Variants in FAT1 observed in about 807,000 individuals in gnomAD.
FAT1 encodes FAT atypical cadherin 1.
Under a neutral mutation model 329.8 loss-of-function variants are expected in FAT1, and 171 were observed. The observed-to-expected ratio is 0.52, with a 90% CI of 0.46 to 0.59. The LOEUF is 0.59. Among genes scored for constraint, FAT1 ranks in the 20% least tolerant of loss-of-function variants. The pLI is 0.00. For synonymous variants in FAT1, 2,233 were observed against 2,228.6 expected (o/e 1.00, Z -0.06); for missense variants, 5,672 against 5,774.4 (o/e 0.98, Z 0.57).
chr4:186,689,191 T>C (rs1044730277), intron 2 of FAT1, among the ~76,000 whole-genome samples: 1 of 152,374 alleles, frequency 6.6e-6, no homozygotes, highest in South Asian at 2.1e-4. Flanking sequence ...AAAATCACTC[T>C]GTAAAAATAT....
rs776041145 is a variant in FAT1, at chr4:186,620,100, C to G, written c.6486G>C (p.Pro2162=). ...VTVVAKDGGN[P]AFSAEVIVPI... ...GAACGATAACTTCCGCTGAAAAGGC[C>G]GGGTTCCCTCCATCTTTTGCAACCA... Residue 2162 remains proline (P), a synonymous_variant, in exon 10 of 27, where the codon CCG becomes CCC. Coordinates refer to ENST00000441802, the MANE Select transcript of FAT1 (RefSeq NM_005245.4). 1 of 1,613,956 alleles carries G rather than the reference C, an allele frequency of 6.2e-7. No homozygotes were observed. The highest frequency in any genetic ancestry group is 2.2e-5 in the East Asian group (1 of 44,864).
chr4:186,666,356 AT>A (rs1424122168), intron 2 of FAT1, among the ~76,000 whole-genome samples: 15 of 152,326 alleles, frequency 9.8e-5, no homozygotes, highest in African/African-American at 3.6e-4. Context: ...TAGCAAAATT[AT>A]ATCTGTCTGT....
Position 186,621,531 on chromosome 4 carries a change from G to C in FAT1, c.5055C>G (p.Phe1685Leu), listed in dbSNP as rs771020867. The stretch of plus-strand genomic sequence containing the variant: ...GACTATGGGCTGTAACCATCCCAAC[G>C]AAACTCCCAATGCTGACAGTTTCAC... ...ELSETVSIGS[F>L]VGMVTAHSQS... The change falls in exon 10 of 27, where the codon TTC becomes TTG. Residue 1685 changes from phenylalanine (F) to leucine (L), a missense_variant. Around this residue, in one of 2 missense-constraint regions of FAT1, gnomAD observed 3,966 missense variants for 3,915.2 expected, o/e 1.01. Transcript: ENST00000441802. 2.5e-6 allele frequency: 4 copies of C among 1,613,926 alleles called. No individual in the cohort carries two copies. The Admixed American group carries it at 6.7e-5, about 27-fold the overall frequency.
At chr4:186,616,632 A>G (rs1226260784) in intron 11 of FAT1, among the ~76,000 whole-genome samples, 1 of 152,164 alleles carries the variant, frequency 6.6e-6, no homozygotes. Context: ...CGTGCAGAAG[A>G]GCAGATGCCC....
Position 186,620,991 on chromosome 4 carries a change from T to TA in FAT1, c.5594dup (p.Thr1866AsnfsTer6). The TA allele has an allele frequency of 1.2e-6, 2 of 1,613,214 alleles. No homozygotes were observed. Among genetic ancestry groups the TA allele is most frequent in the Non-Finnish European group, 1.7e-6 (2 of 1,179,880 alleles). ...CATTAATGTCAATTACATGTACTGT[T>TA]ACATTCGCTGCATACTCAGCAAATA... On this transcript the variant is annotated frameshift_variant, in exon 10 of 27. Coordinates refer to ENST00000441802, the MANE Select transcript of FAT1 (RefSeq NM_005245.4). LOFTEE classifies it high-confidence loss of function.
intron 2 of FAT1, among the ~76,000 whole-genome samples, chr4:186,673,893 T>C (rs1484492369): frequency 6.6e-6 from 1 of 152,198 alleles, no homozygotes; most frequent in African/African-American, 2.4e-5. Flanking sequence ...ATGACGGCTT[T>C]TGTGGATAAG....
rs201861054 is a variant in FAT1 at position 186,708,694 on chromosome 4, T to C, written c.1134A>G (p.Glu378=). 329 of 1,613,766 alleles carry C rather than the reference T, an allele frequency of 2.0e-4. 1 individual carries two copies. The East Asian group carries it at 5.9e-3, about 29-fold the overall frequency. ...EKDVYRAEIS[E]FAPPNTPVVM... is the part of the protein sequence containing the mutation. ...CCACAGGTGTGTTGGGAGGAGCAAA[T>C]TCACTTATTTCTGCTCTGTAAACAT... Residue 378 remains glutamate (E), a synonymous_variant, in exon 2 of 27, where the codon GAA becomes GAG. Transcript: ENST00000441802.
At chr4:186,713,558 T>G (rs756574765) in intron 1 of FAT1, among the ~76,000 whole-genome samples, 17 of 152,232 alleles carry the variant, frequency 1.1e-4, no homozygotes, top group Non-Finnish European at 2.2e-4. Context: ...AGGAAGTCAC[T>G]GCATGTAGCC....
chr4:186,714,009 T>C (rs557361642), intron 1 of FAT1, among the ~76,000 whole-genome samples: 1 of 152,204 alleles, frequency 6.6e-6, no homozygotes, highest in South Asian at 2.1e-4. Flanking sequence ...TTTCTCAAGA[T>C]CCGTCTGGAC....
At position 186,613,967 on chromosome 4, in the gene FAT1, T is replaced by C. The variant is rs72716259; in HGVS notation, c.9229+224A>G. On this transcript the variant is annotated intron_variant, in intron 12 of 26. Transcript: ENST00000441802. ...TAAACGCCTTCTAAATTTTAAATCCTTTTTTCAATTAGGTGATATTCTTGC... is the reference window on the plus strand; with the variant it reads ...TAAACGCCTTCTAAATTTTAAATCCCTTTTTCAATTAGGTGATATTCTTGC... Among the ~76,000 whole-genome samples the C allele has an allele frequency of 0.22, 32,807 of 152,198 alleles. 4,486 individuals carry two copies. Among genetic ancestry groups the C allele is most frequent in the Non-Finnish European group, 0.31 (21,039 of 67,996 alleles).
intron 1 of FAT1, among the ~76,000 whole-genome samples, chr4:186,714,754 C>T (rs929064452): frequency 3.3e-5 from 5 of 152,216 alleles, no homozygotes; most frequent in African/African-American, 1.2e-4. Flanking sequence ...TGAAGCCTAA[C>T]ATTAGAACTT....
intron 15 of FAT1, 68 bp from the exon 16 acceptor site, chr4:186,609,388 G>A (rs1579312622): frequency 6.5e-7 from 1 of 1,528,816 alleles, no homozygotes; most frequent in Non-Finnish European, 8.8e-7. Context: ...CACAAAATTT[G>A]TGATATTAAT....
chr4:186,654,035 C>G (rs1301467684), intron 3 of FAT1, among the ~76,000 whole-genome samples: 1 of 152,108 alleles, frequency 6.6e-6, no homozygotes, highest in East Asian at 1.9e-4. Flanking sequence ...AGATAAGAGA[C>G]AGAAAAACTG....
Position 186,621,691 on chromosome 4 carries a change from T to G in FAT1, c.4895A>C (p.Glu1632Ala). ...TGTAGCTTTTACCATTAAATCATAC[T>G]CCGCTTGGTTACTTCGATCTAATTC... ...AKELDRSNQA[E>A]YDLMVKATDK... Residue 1632 changes from glutamate (E) to alanine (A), a missense_variant, in exon 10 of 27, where the codon GAG (glutamate) becomes GCG (alanine). This residue lies in a region of FAT1 where 3,966 missense variants were observed against 3,915.2 expected (regional missense o/e 1.01). Transcript: ENST00000441802. 6.2e-7 allele frequency: 1 copy of G among 1,613,846 alleles called. No individual in the cohort carries two copies. Among genetic ancestry groups the G allele is most frequent in the Non-Finnish European group, 8.5e-7 (1 of 1,179,836 alleles).
chr4:186,666,769 A>G (rs1353654802), intron 2 of FAT1, among the ~76,000 whole-genome samples: 1 of 152,224 alleles, frequency 6.6e-6, no homozygotes, highest in Non-Finnish European at 1.5e-5. Flanking sequence ...ATTATCTTAT[A>G]TAATCTTTAC....
In FAT1 at chr4:186,621,161, A is replaced by G. The variant is rs1232324313; in HGVS notation, c.5425T>C (p.Tyr1809His). 1 of 1,614,014 alleles carries G rather than the reference A, an allele frequency of 6.2e-7. No homozygotes were observed. The highest frequency in any genetic ancestry group is 8.5e-7 in the Non-Finnish European group (1 of 1,179,900). ...ADKDSNALLV[Y>H]HIVEPSVHTY... The stretch of plus-strand genomic sequence containing the variant: ...TGTACAGATGGTTCAACAATGTGAT[A>G]TACAAGCAAAGCATTTGAGTCTTTA... The change falls in exon 10 of 27, where the codon TAT becomes CAT. Residue 1809 changes from tyrosine (Y) to histidine (H), a missense_variant. Physicochemically the swap from Tyr to His is moderately conservative, Grantham distance 83 (BLOSUM62 2). Coordinates refer to ENST00000441802, the MANE Select transcript of FAT1 (RefSeq NM_005245.4).
chr4:186,641,474 A>T (rs1183861800), intron 3 of FAT1, among the ~76,000 whole-genome samples: 1 of 152,202 alleles, frequency 6.6e-6, no homozygotes, highest in Admixed American at 6.5e-5. Flanking sequence ...GAGCCCCTTG[A>T]TTAGTCCCAC....
chr4:186,667,459 T>G lies in FAT1; in HGVS notation c.3266-3846A>C, dbSNP rs568595575. 9.5e-4 allele frequency among the ~76,000 whole-genome samples: 145 copies of G among 152,376 alleles called. 1 individual carries two copies. Among genetic ancestry groups the G allele is most frequent in the African/African-American group, 3.4e-3 (143 of 41,592 alleles). On this transcript the variant is annotated intron_variant, in intron 2 of 26. Coordinates refer to ENST00000441802, the MANE Select transcript of FAT1 (RefSeq NM_005245.4). ...TGAGTGAGATGCTGGATGTTCCTAT[T>G]TCATGAATTCATGACTGTGTACTTT...
chr4:186,673,213 G>A (rs1463822392), intron 2 of FAT1, among the ~76,000 whole-genome samples: 1 of 152,258 alleles, frequency 6.6e-6, no homozygotes, highest in Admixed American at 6.5e-5. Flanking sequence ...CCAGTGAACA[G>A]AAACTTTTTT....
Sources: gnomAD v4.1 joint callset for allele counts (sites outside exome capture counted in the v4.1 genomes callset) on GRCh38, gnomAD v4.1.1 for gene constraint, gnomAD v4.1.1 regional missense constraint, MANE v1.5 for transcripts, NCBI Gene and HGNC (gene_info 2026-07-23, HGNC 2026-07-21) for gene names.